The following RNF20 variants were observed in gnomAD, a reference collection of about 807,000 sequenced individuals.
RNF20 encodes the protein E3 ubiquitin-protein ligase BRE1A.
In RNF20, 84 loss-of-function variants were observed where a neutral mutation model predicts 126.2. The ratio of observed to expected loss-of-function variants is 0.67; its 90% CI spans 0.56 to 0.80. RNF20 has a LOEUF of 0.80. Ranked by LOEUF, RNF20 falls within the 30% of genes least tolerant of loss-of-function variation. RNF20 has a pLI of 0.00. For synonymous variants in RNF20, 400 were observed against 414.3 expected (o/e 0.97, Z 0.42); for missense variants, 869 against 1,188.2 (o/e 0.73, Z 3.95).
intron 7 of RNF20, 66 bp from the exon 8 acceptor site, chr9:101,547,071 A>G (rs1373094322): frequency 1.2e-6 from 2 of 1,601,830 alleles, no homozygotes; most frequent in Non-Finnish European, 1.7e-6. Flanking sequence ...CATCCTTTGA[A>G]GGTACATTGG....
intron 18 of RNF20, 118 bp from the exon 19 acceptor site, chr9:101,561,792 T>C (rs887308553): frequency 5.7e-5 from 44 of 765,976 alleles, no homozygotes; most frequent in African/African-American, 4.7e-4. Flanking sequence ...ACAAGATAAT[T>C]GACCATAAAA....
chr9:101,560,662 T>TCTTC, intron 16 of RNF20, 139 bp from the exon 17 acceptor site: 1 of 662,414 alleles, frequency 1.5e-6, no homozygotes, highest in Non-Finnish European at 2.4e-6. Flanking sequence ...TGATGTATTT[T>TCTTC]GAAGGGTTCA....
Position 101,562,743 on chromosome 9 carries a change from C to T in RNF20, c.*321C>T, listed in dbSNP as rs1266118552. On this transcript the variant is annotated 3_prime_UTR_variant, in exon 20 of 20. Coordinates refer to ENST00000389120, the MANE Select transcript of RNF20 (RefSeq NM_019592.7). ...GCCCACTGTATAAACTTGGATTGTC[C>T]ATTCCTCCTGAAGAAATCAAGTTGG... 3 of 199,722 alleles carry T rather than the reference C, an allele frequency of 1.5e-5. No individual in the cohort carries two copies. Among genetic ancestry groups the T allele is most frequent in the Non-Finnish European group, 3.0e-5 (3 of 99,326 alleles). The allele number at this position is 199,722 out of a possible 1,614,324, so 12.4% of individuals were successfully genotyped here.
intron 9 of RNF20, among the ~76,000 whole-genome samples, chr9:101,549,123 G>A (rs1827401605): frequency 6.6e-6 from 1 of 152,204 alleles, no homozygotes; most frequent in East Asian, 1.9e-4. Context: ...AGAGATAAAA[G>A]AAAAGGCAGC....
chr9:101,551,886 C>A, intron 11 of RNF20, 67 bp downstream of exon 11: 1 of 1,509,130 alleles, frequency 6.6e-7, no homozygotes, highest in Non-Finnish European at 8.9e-7. Context: ...ACAACACAGA[C>A]CCCAGGGTTT....
chr9:101,552,866 T>G (rs1827472645), intron 13 of RNF20, 113 bp downstream of exon 13: 1 of 1,108,314 alleles, frequency 9.0e-7, no homozygotes, highest in South Asian at 1.7e-5. Context: ...TGTTTTAGAT[T>G]GTACAATTAA....
In RNF20 at chr9:101,562,288, G is replaced by A. The variant is rs1827641258; in HGVS notation, c.2794G>A (p.Ala932Thr). 1 of 1,614,030 alleles carries A rather than the reference G, an allele frequency of 6.2e-7. No homozygotes were observed. Among genetic ancestry groups the A allele is most frequent in the Non-Finnish European group, 8.5e-7 (1 of 1,179,970 alleles). ...GTGCTGTAACATGCGTAAAAAGGAT[G>A]CTGTTCTTACTAAGTGTTTTCATGT... is the stretch of plus-strand genomic sequence containing the variant. ...CPCCNMRKKD[A>T]VLTKCFHVFC... is the part of the protein sequence containing the mutation. Residue 932 changes from alanine (A) to threonine (T), a missense_variant, in exon 20 of 20, where the codon GCT becomes ACT. Ala to Thr is a moderately conservative substitution (Grantham distance 58). Coordinates refer to ENST00000389120, the MANE Select transcript of RNF20 (RefSeq NM_019592.7).
Position 101,554,792 on chromosome 9 carries a change from A to G in RNF20, c.2118A>G (p.Ala706=). 6.4e-7 allele frequency: 1 copy of G among 1,567,986 alleles called. No individual in the cohort carries two copies. The highest frequency in any genetic ancestry group is 1.8e-5 in the Admixed American group (1 of 56,746). Residue 706 remains alanine (A), a synonymous_variant, in exon 15 of 20, where the codon GCA becomes GCG. Transcript: ENST00000389120. ...ADEDALRKIR[A]VEEQIEYLQK... ...AGGATGCCTTGAGGAAGATCCGGGC[A>G]GTGGAGGAGCAGATAGAATACCTAC...
At position 101,544,851 on chromosome 9, in the gene RNF20, T is replaced by A. The variant is rs1358169705; in HGVS notation, c.713T>A (p.Leu238His). ...ATGAGGCTACAGGAATTGACAGATC[T>A]TCTTCAGGAAAAGCATCGCACCATG... Reference protein sequence around the residue: ...ENMRLQELTDLLQEKHRTMSQ... With the variant: ...ENMRLQELTDHLQEKHRTMSQ... The change falls in exon 6 of 20, where the codon CTT becomes CAT. Residue 238 changes from leucine to histidine, a missense_variant. This residue lies in a region of RNF20 where 103 missense variants were observed against 94.3 expected (regional missense o/e 1.09). Coordinates refer to ENST00000389120, the MANE Select transcript of RNF20 (RefSeq NM_019592.7). 6.2e-7 allele frequency: 1 copy of A among 1,613,450 alleles called. No homozygotes were observed. The highest frequency in any genetic ancestry group is 8.5e-7 in the Non-Finnish European group (1 of 1,179,512).
intron 16 of RNF20, among the ~76,000 whole-genome samples, chr9:101,558,987 A>C (rs1173395495): frequency 6.6e-6 from 1 of 152,100 alleles, no homozygotes; most frequent in Non-Finnish European, 1.5e-5. Context: ...GCCATTGTCT[A>C]GAAGGATTTT....
rs2118656644 is a variant in RNF20 at position 101,533,861 on chromosome 9, C to G, written c.-80C>G. On this transcript the variant is annotated 5_prime_UTR_variant, in exon 1 of 20. Transcript: ENST00000389120. ...GTGGCCCCGCCTCCCGGAAGTTCTGCCTTGTCTCCGCCGCGGGTCAGGGGT... is the reference window on the plus strand; with the variant it reads ...GTGGCCCCGCCTCCCGGAAGTTCTGGCTTGTCTCCGCCGCGGGTCAGGGGT... 1 of 152,826 alleles carries G rather than the reference C, an allele frequency of 6.5e-6. No individual in the cohort carries two copies. The allele number at this position is 152,826 out of a possible 1,614,324, so 9.5% of individuals were successfully genotyped here. A position where few individuals can be genotyped will look rare whatever the true frequency, so the allele number is the denominator to read the frequency against.
chr9:101,547,393 C>G lies in RNF20; in HGVS notation c.973-6C>G, dbSNP rs1171394776. Reference sequence around the variant, plus strand: ...ATTTATTCTCTATTTTTCTGCTTCTCTGCAGTTTGAGGAAATGAATGCAGA... The same window carrying G: ...ATTTATTCTCTATTTTTCTGCTTCTGTGCAGTTTGAGGAAATGAATGCAGA... On this transcript the variant is annotated splice_polypyrimidine_tract_variant and splice_region_variant and intron_variant, in intron 8 of 19. Transcript: ENST00000389120. 6.2e-7 allele frequency: 1 copy of G among 1,613,984 alleles called. No homozygotes were observed. The highest frequency in any genetic ancestry group is 8.5e-7 in the Non-Finnish European group (1 of 1,179,944).
At chr9:101,544,516 T>C (rs1451424051) in intron 5 of RNF20, among the ~76,000 whole-genome samples, 5 of 151,988 alleles carry the variant, frequency 3.3e-5, no homozygotes, top group Non-Finnish European at 5.9e-5. Flanking sequence ...GACCAGCCTG[T>C]CCGACATGGT....
chr9:101,557,647 A>G (rs766726946), intron 16 of RNF20, 51 bp downstream of exon 16: 77 of 1,336,428 alleles, frequency 5.8e-5, no homozygotes, highest in Non-Finnish European at 5.0e-5. Context: ...GGTGCTTTCT[A>G]CATGATGATA....
intron 6 of RNF20, 42 bp from the exon 7 acceptor site, chr9:101,546,778 T>C (rs1460875195): frequency 1.2e-6 from 2 of 1,610,454 alleles, no homozygotes; most frequent in African/African-American, 1.3e-5. Context: ...AATTTGGTCT[T>C]TTTTTGCTAT....
chr9:101,551,116 T>C (rs944523495), intron 10 of RNF20, among the ~76,000 whole-genome samples: 12 of 152,278 alleles, frequency 7.9e-5, no homozygotes, highest in Middle Eastern at 3.4e-3. Flanking sequence ...AAGTAAGGTA[T>C]AAATATTAAG....
At chr9:101,552,856 T>C (rs1827472466) in intron 13 of RNF20, 103 bp downstream of exon 13, 3 of 1,142,468 alleles carry the variant, frequency 2.6e-6, no homozygotes, top group African/African-American at 1.6e-5. Flanking sequence ...ATCGTTTTAA[T>C]GTTTTAGATT....
chr9:101,535,373 C>T, intron 1 of RNF20, 25 bp from the exon 2 acceptor site: 1 of 1,584,162 alleles, frequency 6.3e-7, no homozygotes, highest in Non-Finnish European at 8.6e-7. Flanking sequence ...TATATTATGT[C>T]AGTTTCTGCC....
At chr9:101,540,137 G>T in intron 2 of RNF20, 66 bp from the exon 3 acceptor site, 1 of 1,447,394 alleles carries the variant, frequency 6.9e-7, no homozygotes, top group African/African-American at 1.4e-5. Flanking sequence ...TTGTGACCTT[G>T]TTGAGTTTAA....
Sources: gnomAD v4.1 joint callset for allele counts (sites outside exome capture counted in the v4.1 genomes callset) on GRCh38, gnomAD v4.1.1 for gene constraint, gnomAD v4.1.1 regional missense constraint, MANE v1.5 for transcripts, NCBI Gene and HGNC (gene_info 2026-07-23, HGNC 2026-07-21) for gene names.